Variants in ZMYM4 observed in about 807,000 individuals in gnomAD.
ZMYM4 encodes the protein zinc finger MYM-type protein 4.
A neutral mutation model predicts 183.2 loss-of-function variants in ZMYM4; 31 were observed. The ratio of observed to expected loss-of-function variants is 0.17; its 90% CI spans 0.13 to 0.23. The LOEUF (loss-of-function observed/expected upper bound fraction) is 0.23. ZMYM4 is among the 10% of genes least tolerant of loss of function. The pLI is 1.00. For missense variants in ZMYM4, 1,273 were observed against 1,840.3 expected (o/e 0.69, Z 5.64); for synonymous variants, 592 against 631.2 (o/e 0.94, Z 0.93).
At chr1:35,305,709 G>C (rs569707115) in intron 1 of ZMYM4, among the ~76,000 whole-genome samples, 26 of 151,922 alleles carry the variant, frequency 1.7e-4, no homozygotes, top group South Asian at 2.1e-4. Context: ...GTGCCTAGCT[G>C]AGTTTTCTTA....
intron 1 of ZMYM4, among the ~76,000 whole-genome samples, chr1:35,290,009 C>G (rs112492024): frequency 1.3e-5 from 2 of 151,956 alleles, no homozygotes; most frequent in African/African-American, 4.8e-5. Flanking sequence ...ACTCTGTCAC[C>G]TAGGCTGGAG....
At chr1:35,378,814 T>C (rs1644389152) in intron 7 of ZMYM4, among the ~76,000 whole-genome samples, 1 of 152,220 alleles carries the variant, frequency 6.6e-6, no homozygotes, top group Non-Finnish European at 1.5e-5. Flanking sequence ...ATAAATTGTC[T>C]TAGCTAGATG....
intron 5 of ZMYM4, among the ~76,000 whole-genome samples, chr1:35,364,587 A>G (rs1006417602): frequency 2.6e-5 from 4 of 152,242 alleles, no homozygotes; most frequent in East Asian, 1.9e-4. Flanking sequence ...ACTCTAGTGT[A>G]TTATATTATT....
intron 5 of ZMYM4, among the ~76,000 whole-genome samples, chr1:35,362,139 G>C (rs950644311): frequency 2.6e-5 from 4 of 152,180 alleles, no homozygotes; most frequent in Admixed American, 2.6e-4. Context: ...TAAGCCTTTT[G>C]CAGTTAATGC....
chr1:35,349,758 C>T (rs2148880631), intron 2 of ZMYM4, among the ~76,000 whole-genome samples: 1 of 149,380 alleles, frequency 6.7e-6, no homozygotes, highest in South Asian at 2.1e-4. Flanking sequence ...TGAACCCGGG[C>T]AGTGGAAGTT....
intron 25 of ZMYM4, 126 bp from the exon 26 acceptor site, chr1:35,407,882 A>G: frequency 8.4e-7 from 1 of 1,189,750 alleles, no homozygotes; most frequent in East Asian, 2.4e-5. Context: ...TCTGTCTTTA[A>G]TCCATATACC....
At chr1:35,347,196 A>G (rs1381821682) in intron 2 of ZMYM4, among the ~76,000 whole-genome samples, 1 of 152,150 alleles carries the variant, frequency 6.6e-6, no homozygotes, top group Non-Finnish European at 1.5e-5. Context: ...TAGTAGAGAC[A>G]GGGTTTCACC....
At chr1:35,342,245 C>G (rs945814980) in intron 2 of ZMYM4, among the ~76,000 whole-genome samples, 3 of 152,094 alleles carry the variant, frequency 2.0e-5, no homozygotes, top group Non-Finnish European at 4.4e-5. Flanking sequence ...GCCCCCACCT[C>G]TCATGCTTAA....
intron 9 of ZMYM4, among the ~76,000 whole-genome samples, chr1:35,384,467 A>G (rs1316717345): frequency 1.3e-5 from 2 of 152,222 alleles, no homozygotes; most frequent in East Asian, 1.9e-4. Context: ...AATGTGTGAC[A>G]TGTTAATAAT....
At chr1:35,380,793 G>A (rs901201942) in intron 7 of ZMYM4, among the ~76,000 whole-genome samples, 1 of 152,014 alleles carries the variant, frequency 6.6e-6, no homozygotes, top group African/African-American at 2.4e-5. Flanking sequence ...TTTAGATATG[G>A]TAATGTTATA....
chr1:35,358,556 A>G (rs1643878905), intron 2 of ZMYM4, among the ~76,000 whole-genome samples: 1 of 152,120 alleles, frequency 6.6e-6, no homozygotes, highest in Non-Finnish European at 1.5e-5. Flanking sequence ...TTTATCTCCA[A>G]GGTGAGTATT....
chr1:35,340,239 A>G (rs1024687298), intron 2 of ZMYM4, among the ~76,000 whole-genome samples: 1 of 152,100 alleles, frequency 6.6e-6, no homozygotes, highest in South Asian at 2.1e-4. Context: ...ATTTATTTAA[A>G]TCTTCAATGT....
intron 1 of ZMYM4, among the ~76,000 whole-genome samples, chr1:35,284,128 C>G (rs2148697175): frequency 6.6e-6 from 1 of 152,008 alleles, no homozygotes; most frequent in Admixed American, 6.5e-5. Context: ...AGGTGCCCGC[C>G]ACCGCGCCCT....
intron 25 of ZMYM4, 29 bp from the exon 26 acceptor site, chr1:35,407,979 T>TGTTAAAA (rs766248479): frequency 3.7e-6 from 6 of 1,613,524 alleles, no homozygotes; most frequent in Non-Finnish European, 5.1e-6. Flanking sequence ...TAAAAGTTAA[T>TGTTAAAA]GTTTCAGATG....
At position 35,268,831 on chromosome 1, in the gene ZMYM4, G is replaced by T; in HGVS notation, c.-216G>T. On this transcript the variant is annotated 5_prime_UTR_variant, in exon 1 of 30. Coordinates refer to ENST00000314607, the MANE Select transcript of ZMYM4 (RefSeq NM_005095.3). Reference sequence around the variant, plus strand: ...GTCCCGGCCCCCACCCCGTCCCCGGGCAGGCCCTCCCGCCCACGCGCGGAC... The same window carrying T: ...GTCCCGGCCCCCACCCCGTCCCCGGTCAGGCCCTCCCGCCCACGCGCGGAC... 1 of 406,304 alleles carries T rather than the reference G, an allele frequency of 2.5e-6. No individual in the cohort carries two copies. 25.2% of individuals were successfully genotyped at this position (406,304 alleles called of 1,614,324 possible). A position where few individuals can be genotyped will look rare whatever the true frequency, so the allele number is the denominator to read the frequency against.
chr1:35,376,822 G>A (rs974957193), intron 7 of ZMYM4, among the ~76,000 whole-genome samples: 10 of 151,806 alleles, frequency 6.6e-5, no homozygotes, highest in African/African-American at 2.4e-4. Context: ...CATCACACCC[G>A]GCCTATAGTA....
chr1:35,320,272 G>A (rs973812443), intron 1 of ZMYM4, among the ~76,000 whole-genome samples: 5 of 152,128 alleles, frequency 3.3e-5, no homozygotes, highest in African/African-American at 1.2e-4. Flanking sequence ...CAGTGCCAAT[G>A]ATTTACTCAA....
intron 2 of ZMYM4, among the ~76,000 whole-genome samples, chr1:35,356,552 A>G (rs886515156): frequency 6.6e-6 from 1 of 152,212 alleles, no homozygotes; most frequent in African/African-American, 2.4e-5. Context: ...AAACGTTCTT[A>G]TGATAGAAAC....
chr1:35,268,963 C>A lies in ZMYM4; in HGVS notation c.-84C>A. 12 of 1,430,086 alleles carry A rather than the reference C, an allele frequency of 8.4e-6. No individual in the cohort carries two copies. Among genetic ancestry groups the A allele is most frequent in the Non-Finnish European group, 1.0e-5 (11 of 1,086,524 alleles). The allele number at this position is 1,430,086 out of a possible 1,614,324, so 88.6% of individuals were successfully genotyped here. On this transcript the variant is annotated 5_prime_UTR_variant, in exon 1 of 30. It adds an upstream start codon to the 5' untranslated region. Coordinates refer to ENST00000314607, the MANE Select transcript of ZMYM4 (RefSeq NM_005095.3). ...GGAAGCTGCCGCGAGGCGGCCGTGC[C>A]TGCAGTGTGGGCGGGGGCCGGGGGG...
Sources: gnomAD v4.1 joint callset for allele counts (sites outside exome capture counted in the v4.1 genomes callset) on GRCh38, gnomAD v4.1.1 for gene constraint, MANE v1.5 for transcripts, NCBI Gene and HGNC (gene_info 2026-07-23, HGNC 2026-07-21) for gene names.